ITGBL1: variants seen among roughly 807,000 people sequenced by gnomAD.
ITGBL1 encodes the protein integrin beta-like protein 1.
ITGBL1 carries 51 observed loss-of-function variants against 68.5 expected under a neutral mutation model. The observed-to-expected ratio is 0.74, with a 90% CI of 0.59 to 0.94. ITGBL1 has a LOEUF of 0.94. ITGBL1 is among the 40% of genes least tolerant of loss of function. The pLI is 0.00. For missense variants in ITGBL1, 649 were observed against 647.4 expected (o/e 1.00, Z -0.03); for synonymous variants, 209 against 227.3 (o/e 0.92, Z 0.72).
intron 1 of ITGBL1, 38 bp from the exon 2 acceptor site, chr13:101,453,845 G>A (rs1434494628): frequency 2.5e-6 from 3 of 1,221,710 alleles, no homozygotes; most frequent in Non-Finnish European, 3.1e-6. Flanking sequence ...CGGCGTCCGC[G>A]TCTGACCCGG....
chr13:101,599,836 G>A lies in ITGBL1; in HGVS notation c.1015+1537G>A, dbSNP rs868126153. ...CCAGTACCATGCTGTTTTGGTTACT[G>A]TAGCCTTGTAGTATAGTTTGAAGTC... On this transcript the variant is annotated intron_variant, in intron 7 of 10. Coordinates refer to ENST00000376180, the MANE Select transcript of ITGBL1 (RefSeq NM_004791.3). Among the ~76,000 whole-genome samples the A allele has an allele frequency of 6.1e-3, 926 of 152,268 alleles. 11 individuals are homozygous for A. Among genetic ancestry groups the A allele is most frequent in the African/African-American group, 0.021 (854 of 41,530 alleles).
At chr13:101,596,283 G>A (rs1014748439) in intron 6 of ITGBL1, among the ~76,000 whole-genome samples, 1 of 152,110 alleles carries the variant, frequency 6.6e-6, no homozygotes, top group Non-Finnish European at 1.5e-5. Flanking sequence ...AGGGCCAAGG[G>A]GTAGGAGAAA....
intron 8 of ITGBL1, among the ~76,000 whole-genome samples, chr13:101,696,075 C>T (rs1329283630): frequency 1.3e-5 from 2 of 152,048 alleles, no homozygotes; most frequent in African/African-American, 2.4e-5. Flanking sequence ...CAGTGTGGAT[C>T]TCATCTCTGT....
chr13:101,582,326 A>G (rs2050471713), intron 5 of ITGBL1, among the ~76,000 whole-genome samples: 1 of 152,192 alleles, frequency 6.6e-6, no homozygotes, highest in Non-Finnish European at 1.5e-5. Context: ...CTTGAATAAA[A>G]AGAGTTTAGT....
rs149057255 is a variant in ITGBL1 at position 101,583,168 on chromosome 13, C to T, written c.728-48C>T. The T allele has an allele frequency of 3.1e-3, 4,806 of 1,571,278 alleles. 14 individuals are homozygous for T. Among genetic ancestry groups the T allele is most frequent in the Non-Finnish European group, 3.6e-3 (4,115 of 1,142,872 alleles). ...AAGCGATATGTGAAATGCTTTCTTT[C>T]ATGGTTTTTCTTGACTGGATTCTTA... On this transcript the variant is annotated intron_variant, in intron 5 of 10. Coordinates refer to ENST00000376180, the MANE Select transcript of ITGBL1 (RefSeq NM_004791.3).
chr13:101,611,697 A>T (rs917391522), intron 7 of ITGBL1, among the ~76,000 whole-genome samples: 6 of 147,360 alleles, frequency 4.1e-5, no homozygotes, highest in Non-Finnish European at 6.0e-5. Context: ...TGGCAGCAGA[A>T]CCCTTCTCGG....
intron 7 of ITGBL1, among the ~76,000 whole-genome samples, chr13:101,685,309 T>C (rs1309575089): frequency 1.3e-5 from 2 of 152,214 alleles, no homozygotes; most frequent in Admixed American, 6.5e-5. Flanking sequence ...TTTTTGTACA[T>C]GAAACAATTT....
intron 2 of ITGBL1, among the ~76,000 whole-genome samples, chr13:101,547,049 T>C (rs1384355860): frequency 6.6e-6 from 1 of 151,954 alleles, no homozygotes; most frequent in Non-Finnish European, 1.5e-5. Context: ...TTGGAAATCT[T>C]ACAACAAAAG....
intron 2 of ITGBL1, among the ~76,000 whole-genome samples, chr13:101,471,410 T>C (rs1285993429): frequency 6.6e-6 from 1 of 152,202 alleles, no homozygotes; most frequent in Non-Finnish European, 1.5e-5. Flanking sequence ...TGATTTTCTG[T>C]AAGATTTTCT....
chr13:101,581,521 A>G (rs2050457735), intron 5 of ITGBL1, among the ~76,000 whole-genome samples: 1 of 152,172 alleles, frequency 6.6e-6, no homozygotes. Context: ...TAAAGAAAAA[A>G]AATCAAATCA....
intron 6 of ITGBL1, among the ~76,000 whole-genome samples, chr13:101,585,945 A>T (rs989550678): frequency 6.6e-6 from 1 of 152,088 alleles, no homozygotes. Context: ...AATTCAAACT[A>T]ACTACATTAT....
chr13:101,540,403 T>C (rs1456235689), intron 2 of ITGBL1, among the ~76,000 whole-genome samples: 3 of 152,186 alleles, frequency 2.0e-5, no homozygotes, highest in African/African-American at 4.8e-5. Context: ...TTCTGTTCCA[T>C]TGGTCTATAT....
At chr13:101,542,389 G>T (rs961001464) in intron 2 of ITGBL1, among the ~76,000 whole-genome samples, 1 of 152,194 alleles carries the variant, frequency 6.6e-6, no homozygotes, top group African/African-American at 2.4e-5. Flanking sequence ...TTAATCCTGA[G>T]TTCTAGTTTA....
At chr13:101,543,310 C>G (rs959038111) in intron 2 of ITGBL1, among the ~76,000 whole-genome samples, 5 of 152,126 alleles carry the variant, frequency 3.3e-5, no homozygotes, top group African/African-American at 2.4e-5. Context: ...TTCTCCTTCA[C>G]TTATAAAGCT....
chr13:101,569,070 A>T (rs72659103), intron 3 of ITGBL1, among the ~76,000 whole-genome samples: 27,466 of 142,978 alleles, frequency 0.19, 2,831 homozygotes, highest in East Asian at 0.23. Flanking sequence ...ACACACACAC[A>T]CTTCTCTACT....
intron 2 of ITGBL1, among the ~76,000 whole-genome samples, chr13:101,461,282 G>A (rs2048314078): frequency 6.6e-6 from 1 of 152,132 alleles, no homozygotes; most frequent in African/African-American, 2.4e-5. Flanking sequence ...GACATCGCAT[G>A]TTCTTGATAT....
intron 2 of ITGBL1, among the ~76,000 whole-genome samples, chr13:101,456,085 T>C (rs1338578008): frequency 2.6e-5 from 4 of 152,224 alleles, no homozygotes; most frequent in Non-Finnish European, 4.4e-5. Flanking sequence ...TGTTTACTCA[T>C]AGCATCTTAG....
At chr13:101,702,149 ATTGT>A (rs1180425237) in intron 8 of ITGBL1, among the ~76,000 whole-genome samples, 1 of 152,180 alleles carries the variant, frequency 6.6e-6, no homozygotes, top group Non-Finnish European at 1.5e-5. Flanking sequence ...TGGACAAATC[ATTGT>A]TTGTAATATT....
chr13:101,657,148 G>A (rs2139468295), intron 7 of ITGBL1, among the ~76,000 whole-genome samples: 1 of 152,242 alleles, frequency 6.6e-6, no homozygotes, highest in South Asian at 2.1e-4. Context: ...AGCTTGTACA[G>A]TGTGCATTGT....
Sources: allele counts gnomAD v4.1 joint callset (sites outside exome capture counted in the v4.1 genomes callset), GRCh38; gene constraint gnomAD v4.1.1; transcripts MANE v1.5; gene names NCBI Gene and HGNC (gene_info 2026-07-23, HGNC 2026-07-21).